KIAA1549L: variants seen among roughly 807,000 people sequenced by gnomAD.
The protein encoded by KIAA1549L is KIAA1549 like, also known as UPF0606 protein KIAA1549L.
Under a neutral mutation model 160.7 loss-of-function variants are expected in KIAA1549L, and 88 were observed. The ratio of observed to expected loss-of-function variants is 0.55; its 90% CI spans 0.46 to 0.65. The LOEUF (loss-of-function observed/expected upper bound fraction) is 0.65, where lower values mean the gene tolerates loss of function less well. KIAA1549L is among the 30% of genes least tolerant of loss of function. The pLI is 0.00. For missense variants in KIAA1549L, 2,258 were observed against 2,437.5 expected, an observed-to-expected ratio of 0.93 and a Z score of 1.55; for synonymous variants, 950 against 976.7, an observed-to-expected ratio of 0.97 and a Z score of 0.51.
intron 1 of KIAA1549L, among the ~76,000 whole-genome samples, chr11:33,392,030 C>T (rs1359907221): frequency 2.6e-5 from 4 of 152,138 alleles, no homozygotes; most frequent in Non-Finnish European, 4.4e-5. Flanking sequence ...GTCCCCATGA[C>T]GATGACACTG....
rs114872451 is a variant in KIAA1549L at position 33,660,869 on chromosome 11, C to T, written c.6014C>T (p.Thr2005Met). The T allele has an allele frequency of 1.1e-4, 180 of 1,613,550 alleles. 2 individuals carry two copies. The African/African-American group carries it at 1.8e-3, about 16-fold the overall frequency. ...TCCATTTCCTCCATGCCAGGTAATA[C>T]GGTGCCAGCAGTGTTCGCCATCCCA... Reference protein sequence around the residue: ...DQSALNYSGNTVPAVFAIPAA... With the variant: ...DQSALNYSGNMVPAVFAIPAA... Residue 2005 changes from threonine (T) to methionine (M), a missense_variant, in exon 20 of 21, where the codon ACG becomes ATG. Physicochemically the swap from Thr to Met is moderately conservative, Grantham distance 81 (BLOSUM62 -1). Around this residue, in one of 6 missense-constraint regions of KIAA1549L, gnomAD observed 1,359 missense variants for 1,546.6 expected, o/e 0.88. Transcript: ENST00000658780.
chr11:33,464,507 T>TGC, intron 1 of KIAA1549L, among the ~76,000 whole-genome samples: 1 of 145,426 alleles, frequency 6.9e-6, no homozygotes, highest in Non-Finnish European at 1.5e-5. Context: ...TGTGTGTGTG[T>TGC]GTGTGCGTGC....
At chr11:33,545,647 C>A (rs1356095224) in intron 3 of KIAA1549L, among the ~76,000 whole-genome samples, 2 of 152,164 alleles carry the variant, frequency 1.3e-5, no homozygotes, top group Non-Finnish European at 2.9e-5. Context: ...CAGCCTAAAA[C>A]ATCCATAGGG....
chr11:33,600,864 A>G (rs1025911550), intron 13 of KIAA1549L, among the ~76,000 whole-genome samples: 6 of 152,080 alleles, frequency 3.9e-5, no homozygotes, highest in Non-Finnish European at 8.8e-5. Context: ...ACATTTGCAA[A>G]GTGATGTCTT....
intron 1 of KIAA1549L, among the ~76,000 whole-genome samples, chr11:33,531,045 G>C (rs541120961): frequency 2.0e-5 from 3 of 152,156 alleles, no homozygotes; most frequent in African/African-American, 4.8e-5. Context: ...GGATGTGCAC[G>C]TGGTCAGGGC....
chr11:33,614,584 ATTTTTTT>A (rs869257067), intron 15 of KIAA1549L, among the ~76,000 whole-genome samples: 2 of 5,116 alleles, frequency 3.9e-4, no homozygotes, highest in African/African-American at 6.7e-4. Flanking sequence ...ATATATATAT[ATTTTTTT>A]TTTTTTTTTT....
At chr11:33,417,217 T>C (rs555345187) in intron 1 of KIAA1549L, among the ~76,000 whole-genome samples, 6 of 152,220 alleles carry the variant, frequency 3.9e-5, no homozygotes, top group Admixed American at 2.0e-4. Flanking sequence ...TGTAAAGTAC[T>C]ACATTCACGT....
In KIAA1549L at chr11:33,452,451, C is replaced by CA. The variant is rs559228021; in HGVS notation, c.238+75569dup. ...TGAAACCCTGTCTCTACTAAAAATA[C>CA]AAAAAAATTAGCCAGGCGTAGTGGC... On this transcript the variant is annotated intron_variant, in intron 1 of 20. Coordinates refer to ENST00000658780, the MANE Select transcript of KIAA1549L (RefSeq NM_012194.3). Among the ~76,000 whole-genome samples, 371 of 152,084 alleles carry CA rather than the reference C, an allele frequency of 2.4e-3. 4 individuals carry two copies. Among genetic ancestry groups the CA allele is most frequent in the Middle Eastern group, 0.02 (6 of 294 alleles).
intron 1 of KIAA1549L, among the ~76,000 whole-genome samples, chr11:33,492,152 A>C (rs1177185189): frequency 6.6e-6 from 1 of 152,192 alleles, no homozygotes; most frequent in Non-Finnish European, 1.5e-5. Flanking sequence ...AGATCACCTG[A>C]GGTCAGGAGT....
chr11:33,663,969 C>T (rs76610999), intron 20 of KIAA1549L, among the ~76,000 whole-genome samples: 1 of 152,196 alleles, frequency 6.6e-6, no homozygotes, highest in African/African-American at 2.4e-5. Context: ...ATCTGAAATA[C>T]GTACCCCATG....
chr11:33,579,297 C>T lies in KIAA1549L; in HGVS notation c.4403-4041C>T, dbSNP rs151032964. The stretch of plus-strand genomic sequence containing the variant: ...GTAAGTGGCAGCTGAATCTCTCCGT[C>T]GGTATTCCAGCAACACCCGACAATA... On this transcript the variant is annotated intron_variant, in intron 10 of 20. Coordinates refer to ENST00000658780, the MANE Select transcript of KIAA1549L (RefSeq NM_012194.3). Among the ~76,000 whole-genome samples, 6 of 152,066 alleles carry T rather than the reference C, an allele frequency of 3.9e-5. No individual in the cohort carries two copies. In the East Asian group the frequency reaches 9.7e-4, roughly 25 times the overall value.
In KIAA1549L at chr11:33,418,025, C is replaced by T. The variant is rs550192380; in HGVS notation, c.238+41136C>T. ...AACTCCTGACCTCAAGTGATCCGTC[C>T]ACCTCAGCCTCCCAAAGTGCTGGGA... On this transcript the variant is annotated intron_variant, in intron 1 of 20. Coordinates refer to ENST00000658780, the MANE Select transcript of KIAA1549L (RefSeq NM_012194.3). Among the ~76,000 whole-genome samples, 6 of 152,292 alleles carry T rather than the reference C, an allele frequency of 3.9e-5. No homozygotes were observed. The South Asian group carries it at 6.2e-4, about 16-fold the overall frequency.
intron 1 of KIAA1549L, among the ~76,000 whole-genome samples, chr11:33,509,568 A>G (rs554932448): frequency 9.2e-5 from 14 of 152,312 alleles, no homozygotes; most frequent in African/African-American, 2.6e-4. Context: ...GGTCAGAAGG[A>G]GCCATAAAAT....
At chr11:33,558,120 T>C (rs914810457) in intron 6 of KIAA1549L, among the ~76,000 whole-genome samples, 7 of 152,130 alleles carry the variant, frequency 4.6e-5, no homozygotes, top group Non-Finnish European at 7.3e-5. Context: ...TTTTTTAAAG[T>C]CTGTAAAAAA....
chr11:33,642,744 C>G (rs191971559), intron 16 of KIAA1549L, among the ~76,000 whole-genome samples: 3 of 151,594 alleles, frequency 2.0e-5, no homozygotes, highest in African/African-American at 7.3e-5. Flanking sequence ...ACCAGGTAAT[C>G]GAAAAAGGTT....
At chr11:33,555,736 C>A (rs1167171704) in intron 6 of KIAA1549L, among the ~76,000 whole-genome samples, 2 of 152,162 alleles carry the variant, frequency 1.3e-5, no homozygotes, top group Non-Finnish European at 2.9e-5. Flanking sequence ...GGAAAAACTT[C>A]ATGACACACA....
intron 1 of KIAA1549L, among the ~76,000 whole-genome samples, chr11:33,468,367 A>T (rs1008728458): frequency 2.6e-5 from 4 of 152,246 alleles, no homozygotes; most frequent in African/African-American, 9.6e-5. Context: ...TTGAAAAAAA[A>T]TTATCAAAAA....
At chr11:33,464,496 G>GTA (rs1372290929) in intron 1 of KIAA1549L, among the ~76,000 whole-genome samples, 2 of 149,608 alleles carry the variant, frequency 1.3e-5, no homozygotes, top group Non-Finnish European at 3.0e-5. Flanking sequence ...GTGTGTGTGT[G>GTA]TGTGTGTGTG....
chr11:33,606,761 T>C lies in KIAA1549L; in HGVS notation c.5000T>C (p.Leu1667Pro). 1 of 1,613,554 alleles carries C rather than the reference T, an allele frequency of 6.2e-7. No individual in the cohort carries two copies. The highest frequency in any genetic ancestry group is 8.5e-7 in the Non-Finnish European group (1 of 1,179,742). ...CTCATTGCCATAAAACCCACAGCCC[T>C]CCCCATGGTGCCCCCCACCTCGGAC... ...VQLIAIKPTA[L>P]PMVPPTSDRS... Residue 1667 changes from leucine to proline, a missense_variant, in exon 14 of 21, where the codon CTC (leucine) becomes CCC (proline). By Grantham distance (98) the Leu-to-Pro change is moderately conservative. This residue lies in a region of KIAA1549L where 1,359 missense variants were observed against 1,546.6 expected (regional missense o/e 0.88). Transcript: ENST00000658780.
Sources: allele counts gnomAD v4.1 joint callset (sites outside exome capture counted in the v4.1 genomes callset), GRCh38; gene constraint gnomAD v4.1.1; regional missense constraint gnomAD v4.1.1; transcripts MANE v1.5; gene names NCBI Gene and HGNC (gene_info 2026-07-23, HGNC 2026-07-21).